Variants in SORBS2 observed in about 807,000 individuals in gnomAD.
SORBS2 encodes the protein sorbin and SH3 domain-containing protein 2.
In SORBS2, 46 loss-of-function variants were observed where a neutral mutation model predicts 97.7. That is an observed-to-expected ratio of 0.47 (90% CI 0.37 to 0.60). The LOEUF (loss-of-function observed/expected upper bound fraction) is 0.60. SORBS2 is among the 20% of genes least tolerant of loss of function. The probability of loss-of-function intolerance (pLI) is 0.00; values close to 1 mark genes in which losing one functional copy is unlikely to be tolerated. For synonymous variants in SORBS2, 476 were observed against 473.4 expected (o/e 1.01, Z -0.07); for missense variants, 1,316 against 1,282.3 (o/e 1.03, Z -0.40).
intron 2 of SORBS2, among the ~76,000 whole-genome samples, chr4:185,715,857 A>G (rs1293909073): frequency 2.0e-5 from 3 of 152,254 alleles, no homozygotes; most frequent in South Asian, 4.1e-4. Flanking sequence ...TTAAGTGCTT[A>G]ATAAATGTTG....
At chr4:185,614,782 T>G in intron 11 of SORBS2, 49 bp downstream of exon 23, 3 of 1,605,382 alleles carry the variant, frequency 1.9e-6, no homozygotes, top group Non-Finnish European at 2.6e-6. Context: ...TCAAACCCAC[T>G]GAAGAACAAA....
At chr4:185,950,869 G>A (rs893949986) in intron 1 of SORBS2, among the ~76,000 whole-genome samples, 1 of 152,182 alleles carries the variant, frequency 6.6e-6, no homozygotes, top group African/African-American at 2.4e-5. Context: ...GAGCAGAATA[G>A]GAAGGGAATA....
At chr4:185,782,956 G>A (rs931904083) in intron 1 of SORBS2, among the ~76,000 whole-genome samples, 1 of 152,158 alleles carries the variant, frequency 6.6e-6, no homozygotes, top group Non-Finnish European at 1.5e-5. Flanking sequence ...TTACACATGT[G>A]TAAAACACTC....
intron 4 of SORBS2, among the ~76,000 whole-genome samples, chr4:185,632,669 T>C (rs921251441): frequency 2.0e-5 from 3 of 152,200 alleles, no homozygotes; most frequent in Non-Finnish European, 4.4e-5. Flanking sequence ...AGTGTGAAGT[T>C]CACAACACTC....
At chr4:185,659,364 C>G (rs565281376), upstream of SORBS2, among the ~76,000 whole-genome samples, 3 of 152,188 alleles carry the variant, frequency 2.0e-5, no homozygotes, top group East Asian at 1.9e-4. Context: ...TTTCTTTCCC[C>G]CTGCTACTGG....
rs190398196 is a variant in SORBS2, at chr4:185,829,585, C to A, written c.-337-54219G>T. Among the ~76,000 whole-genome samples the A allele has an allele frequency of 2.0e-4, 30 of 152,260 alleles. No individual in the cohort carries two copies. The East Asian group carries it at 2.9e-3, about 15-fold the overall frequency. On this transcript the variant is annotated intron_variant, in intron 1 of 20. Coordinates refer to the SORBS2 transcript ENST00000284776. ...CGTTCCCACTAGACACACAGACACA[C>A]AAACCAAGAGATGACATTAAAGGAA...
chr4:185,929,604 T>C (rs2149959477), intron 1 of SORBS2, among the ~76,000 whole-genome samples: 1 of 150,658 alleles, frequency 6.6e-6, no homozygotes, highest in African/African-American at 2.4e-5. Flanking sequence ...CTCGACTCAC[T>C]GACTCACTGG....
At chr4:185,897,377 C>G (rs951253706) in intron 1 of SORBS2, among the ~76,000 whole-genome samples, 6 of 152,174 alleles carry the variant, frequency 3.9e-5, no homozygotes, top group Non-Finnish European at 8.8e-5. Flanking sequence ...TGCTGGGTGT[C>G]CCCACTCAGT....
At chr4:185,868,445 C>T (rs781342623) in intron 1 of SORBS2, among the ~76,000 whole-genome samples, 5 of 151,554 alleles carry the variant, frequency 3.3e-5, no homozygotes, top group South Asian at 2.1e-4. Context: ...CATGAGCCAC[C>T]GTGCCCAGCC....
intron 2 of SORBS2, among the ~76,000 whole-genome samples, chr4:185,766,349 T>C (rs985508447): frequency 1.3e-5 from 2 of 152,230 alleles, no homozygotes; most frequent in Non-Finnish European, 2.9e-5. Flanking sequence ...TACATTTAGA[T>C]GGCCATATTG....
intron 1 of SORBS2, among the ~76,000 whole-genome samples, chr4:185,818,765 G>T (rs1014001496): frequency 6.6e-6 from 1 of 151,646 alleles, no homozygotes; most frequent in Non-Finnish European, 1.5e-5. Context: ...GGCGGAGGTT[G>T]CAGTGAGCCG....
At chr4:185,793,345 A>C (rs1177934386) in intron 1 of SORBS2, among the ~76,000 whole-genome samples, 1 of 152,226 alleles carries the variant, frequency 6.6e-6, no homozygotes, top group Non-Finnish European at 1.5e-5. Flanking sequence ...GAGCTCCCAC[A>C]TTCTATCCTG....
chr4:185,922,704 C>T lies in SORBS2; in HGVS notation c.-338+33492G>A, dbSNP rs1409375698. On this transcript the variant is annotated intron_variant, in intron 1 of 20. Transcript: ENST00000284776. ...ATTTTCTTAGAAAATCTTTTGTAGACTTTCTGTATTTCTTAACATTCAGCA... is the reference window on the plus strand; with the variant it reads ...ATTTTCTTAGAAAATCTTTTGTAGATTTTCTGTATTTCTTAACATTCAGCA... Among the ~76,000 whole-genome samples, 5 of 152,146 alleles carry T rather than the reference C, an allele frequency of 3.3e-5. No homozygotes were observed. The South Asian group carries it at 8.3e-4, about 25-fold the overall frequency.
At chr4:185,651,973 C>CTT in intron 2 of SORBS2, 145 bp from the exon 11 acceptor site, 1 of 590,386 alleles carries the variant, frequency 1.7e-6, no homozygotes, top group South Asian at 2.1e-5. Flanking sequence ...TTCTTTTTTT[C>CTT]TTTTTTTTTA....
chr4:185,686,624 T>C (rs935304986), intron 2 of SORBS2, among the ~76,000 whole-genome samples: 2 of 152,218 alleles, frequency 1.3e-5, no homozygotes, highest in African/African-American at 4.8e-5. Flanking sequence ...TTCCAGGAGC[T>C]GGAAACTGGT....
intron 1 of SORBS2, among the ~76,000 whole-genome samples, chr4:185,819,390 G>A (rs771916324): frequency 9.9e-5 from 15 of 152,182 alleles, no homozygotes; most frequent in Admixed American, 2.6e-4. Context: ...CACATTTTCC[G>A]CTTGAGTTGG....
intron 1 of SORBS2, among the ~76,000 whole-genome samples, chr4:185,808,052 G>T (rs2099164273): frequency 6.6e-6 from 1 of 152,076 alleles, no homozygotes; most frequent in Admixed American, 6.5e-5. Context: ...AATTAAACAT[G>T]ATTAGTCTTT....
intron 2 of SORBS2, among the ~76,000 whole-genome samples, chr4:185,727,054 C>A (rs552453455): frequency 6.6e-6 from 1 of 152,134 alleles, no homozygotes; most frequent in Non-Finnish European, 1.5e-5. Flanking sequence ...ACATTAAGTA[C>A]GCTTTGAACA....
intron 1 of SORBS2, among the ~76,000 whole-genome samples, chr4:185,946,392 T>C (rs2099274581): frequency 2.6e-5 from 4 of 152,140 alleles, no homozygotes; most frequent in Admixed American, 2.6e-4. Flanking sequence ...GAAACAGGGA[T>C]GGGTTGGAAA....
Sources: gnomAD v4.1 joint callset for allele counts (sites outside exome capture counted in the v4.1 genomes callset) on GRCh38, gnomAD v4.1.1 for gene constraint, MANE v1.5 for transcripts, NCBI Gene and HGNC (gene_info 2026-07-23, HGNC 2026-07-21) for gene names.